CNTNAP2: variants seen among roughly 807,000 people sequenced by gnomAD.
The protein encoded by CNTNAP2 is contactin-associated protein-like 2.
Under a neutral mutation model 155.2 loss-of-function variants are expected in CNTNAP2, and 98 were observed. That is an observed-to-expected ratio of 0.63 (90% confidence interval 0.54 to 0.75). The LOEUF (loss-of-function observed/expected upper bound fraction) is 0.75, where lower values mean the gene tolerates loss of function less well. Ranked by LOEUF, CNTNAP2 falls within the 30% of genes least tolerant of loss-of-function variation. The pLI, the probability that CNTNAP2 is intolerant of heterozygous loss-of-function variation, is 0.00. For synonymous variants in CNTNAP2, 651 were observed against 631.2 expected, an observed-to-expected ratio of 1.03 and a Z score of -0.47; for missense variants, 1,727 against 1,688.1, an observed-to-expected ratio of 1.02 and a Z score of -0.40.
At chr7:146,118,280 T>C (rs1296962578) in intron 1 of CNTNAP2, among the ~76,000 whole-genome samples, 3 of 152,202 alleles carry the variant, frequency 2.0e-5, no homozygotes, top group South Asian at 2.1e-4. Flanking sequence ...ACTGGCAATC[T>C]AAGTTTGTAA....
intron 4 of CNTNAP2, among the ~76,000 whole-genome samples, chr7:147,073,046 G>A (rs2129266078): frequency 6.6e-6 from 1 of 150,550 alleles, no homozygotes; most frequent in Non-Finnish European, 1.5e-5. Context: ...TAGAGATGGG[G>A]TTTCACCGTG....
intron 1 of CNTNAP2, among the ~76,000 whole-genome samples, chr7:146,544,640 T>A (rs543570320): frequency 6.6e-6 from 1 of 152,072 alleles, no homozygotes; most frequent in African/African-American, 2.4e-5. Context: ...GGCTTTAAAG[T>A]TAATAGGAAA....
At chr7:147,383,378 C>G (rs1796571187) in intron 9 of CNTNAP2, among the ~76,000 whole-genome samples, 1 of 152,142 alleles carries the variant, frequency 6.6e-6, no homozygotes, top group Non-Finnish European at 1.5e-5. Flanking sequence ...GTATCTTGAT[C>G]TTCTCTCTGA....
intron 14 of CNTNAP2, among the ~76,000 whole-genome samples, chr7:147,930,381 A>G (rs921062610): frequency 6.6e-6 from 1 of 152,216 alleles, no homozygotes; most frequent in African/African-American, 2.4e-5. Context: ...ATGTGATAGG[A>G]TGAACAAATG....
At chr7:148,224,957 G>T (rs747078852) in intron 19 of CNTNAP2, among the ~76,000 whole-genome samples, 1 of 152,098 alleles carries the variant, frequency 6.6e-6, no homozygotes, top group Admixed American at 6.6e-5. Context: ...CCTCCCACTG[G>T]GTCCCTCCCA....
At chr7:146,281,845 GTAAC>G (rs1222019145) in intron 1 of CNTNAP2, among the ~76,000 whole-genome samples, 2 of 151,938 alleles carry the variant, frequency 1.3e-5, no homozygotes, top group African/African-American at 4.8e-5. Flanking sequence ...TTGTAAAAGT[GTAAC>G]TATATCATAG....
intron 3 of CNTNAP2, among the ~76,000 whole-genome samples, chr7:147,031,537 A>G (rs776089271): frequency 3.5e-4 from 53 of 152,254 alleles, no homozygotes; most frequent in Non-Finnish European, 2.4e-4. Flanking sequence ...TGTGCTACTG[A>G]TAATAACGAT....
intron 14 of CNTNAP2, among the ~76,000 whole-genome samples, chr7:147,943,235 A>C (rs572139355): frequency 6.6e-6 from 1 of 152,280 alleles, no homozygotes; most frequent in Non-Finnish European, 1.5e-5. Context: ...AAACTTGCTG[A>C]TGGTAGATTA....
chr7:148,403,447 T>C (rs902816419), intron 22 of CNTNAP2, among the ~76,000 whole-genome samples: 13 of 152,192 alleles, frequency 8.5e-5, no homozygotes, highest in African/African-American at 3.1e-4. Flanking sequence ...ATAGAGTCTG[T>C]GCTTATTTGA....
intron 16 of CNTNAP2, among the ~76,000 whole-genome samples, chr7:148,131,595 C>T (rs1804833061): frequency 6.6e-6 from 1 of 152,066 alleles, no homozygotes; most frequent in Non-Finnish European, 1.5e-5. Flanking sequence ...GAAAGATATG[C>T]TATTATTGCT....
At chr7:146,369,349 T>G (rs1039933477) in intron 1 of CNTNAP2, among the ~76,000 whole-genome samples, 1 of 152,110 alleles carries the variant, frequency 6.6e-6, no homozygotes, top group African/African-American at 2.4e-5. Context: ...TGTTTTGATG[T>G]TTCGTACAAT....
rs188764089 is a variant in CNTNAP2 at position 146,456,424 on chromosome 7, A to T, written c.98-317847A>T. Among the ~76,000 whole-genome samples the T allele has an allele frequency of 2.5e-3, 382 of 152,272 alleles. 2 individuals are homozygous for T. Among genetic ancestry groups the T allele is most frequent in the Non-Finnish European group, 3.4e-3 (233 of 68,024 alleles). On this transcript the variant is annotated intron_variant, in intron 1 of 23. Coordinates refer to ENST00000361727, the MANE Select transcript of CNTNAP2 (RefSeq NM_014141.6). ...AGTTGCTTGACAGAACTGAAAATAG[A>T]ACAAAAAGTTCCAGATTCATCCAAA... is the stretch of plus-strand genomic sequence containing the variant.
chr7:147,645,189 T>C (rs1023306104), intron 13 of CNTNAP2, among the ~76,000 whole-genome samples: 8 of 152,176 alleles, frequency 5.3e-5, no homozygotes, highest in African/African-American at 1.9e-4. Context: ...AACTGTGATT[T>C]AGTGGCTTTG....
intron 13 of CNTNAP2, among the ~76,000 whole-genome samples, chr7:147,803,634 A>G (rs954097890): frequency 3.9e-5 from 6 of 152,214 alleles, no homozygotes; most frequent in Non-Finnish European, 8.8e-5. Flanking sequence ...GGGCTGCGAA[A>G]GGGAGTCTCC....
At position 146,312,543 on chromosome 7, in the gene CNTNAP2, C is replaced by G. The variant is rs560756389; in HGVS notation, c.97+195570C>G. Among the ~76,000 whole-genome samples, 155 of 152,224 alleles carry G rather than the reference C, an allele frequency of 1.0e-3. 1 individual carries two copies. The highest frequency in any genetic ancestry group is 9.5e-3 in the South Asian group (46 of 4,824). On this transcript the variant is annotated intron_variant, in intron 1 of 23. Coordinates refer to ENST00000361727, the MANE Select transcript of CNTNAP2 (RefSeq NM_014141.6). ...AGTTTCAGTCAAGTGAATTAACATG[C>G]CCTTCACCTCACCAATTTATCACTT...
chr7:147,388,587 CTTTTCTTTTTT>C (rs1796659388), intron 9 of CNTNAP2, among the ~76,000 whole-genome samples: 1 of 147,926 alleles, frequency 6.8e-6, no homozygotes, highest in Non-Finnish European at 1.5e-5. Flanking sequence ...CTTTTTTTTT[CTTTTCTTTTTT>C]GAGATGGAGT....
At position 148,286,447 on chromosome 7, in the gene CNTNAP2, A is replaced by C. The variant is rs566492685; in HGVS notation, c.3475+19321A>C. Among the ~76,000 whole-genome samples the C allele has an allele frequency of 7.2e-5, 11 of 152,334 alleles. No individual in the cohort carries two copies. In the South Asian group the frequency reaches 2.3e-3, roughly 32 times the overall value. ...TGGTTAATATGGGAAGTGCATTAGG[A>C]AGTAGAAAGGAAAGAAAAGTCAAAC... On this transcript the variant is annotated intron_variant, in intron 21 of 23. Transcript: ENST00000361727.
chr7:148,393,286 T>C (rs1412428054), intron 22 of CNTNAP2, among the ~76,000 whole-genome samples: 2 of 152,180 alleles, frequency 1.3e-5, no homozygotes. Flanking sequence ...ATTAATGCAT[T>C]TTTATCTCTC....
rs1017442149 is a variant in CNTNAP2, at chr7:148,048,652, A to T, written c.2384-69466A>T. On this transcript the variant is annotated intron_variant, in intron 15 of 23. Transcript: ENST00000361727. Reference sequence around the variant, plus strand: ...AAGAGATAGAGGGGAATTCGAGAAGATCACCTAAAATGGGCAAACAGGAGG... The same window carrying T: ...AAGAGATAGAGGGGAATTCGAGAAGTTCACCTAAAATGGGCAAACAGGAGG... Among the ~76,000 whole-genome samples, 3 of 152,144 alleles carry T rather than the reference A, an allele frequency of 2.0e-5. 1 individual carries two copies. The highest frequency in any genetic ancestry group is 1.3e-4 in the Admixed American group (2 of 15,274).
Sources: gnomAD v4.1 joint callset for allele counts (sites outside exome capture counted in the v4.1 genomes callset) on GRCh38, gnomAD v4.1.1 for gene constraint, MANE v1.5 for transcripts, NCBI Gene and HGNC (gene_info 2026-07-23, HGNC 2026-07-21) for gene names.